The following KIF5C variants were observed in gnomAD, a reference collection of about 807,000 sequenced individuals.
KIF5C encodes the protein kinesin heavy chain isoform 5C.
In KIF5C, 18 loss-of-function variants were observed where a neutral mutation model predicts 125.2. The observed-to-expected ratio is 0.14, with a 90% CI of 0.10 to 0.21. KIF5C has a LOEUF of 0.21. KIF5C is among the 10% of genes least tolerant of loss of function. KIF5C has a pLI of 1.00. For missense variants in KIF5C, 780 were observed against 1,183.8 expected (o/e 0.66, Z 5.01); for synonymous variants, 405 against 434.0 (o/e 0.93, Z 0.83).
chr2:148,945,869 A>T (rs911112387), intron 7 of KIF5C, among the ~76,000 whole-genome samples: 1 of 152,090 alleles, frequency 6.6e-6, no homozygotes, highest in Non-Finnish European at 1.5e-5. Flanking sequence ...ATGTCATTGA[A>T]ATTTTGATAG....
chr2:148,892,566 C>T (rs922665236), intron 1 of KIF5C, among the ~76,000 whole-genome samples: 25 of 152,336 alleles, frequency 1.6e-4, no homozygotes, highest in African/African-American at 4.8e-4. Flanking sequence ...ATTGGCTTCT[C>T]TGTCATGCTG....
chr2:148,959,333 T>C (rs1459067641), intron 10 of KIF5C, among the ~76,000 whole-genome samples: 2 of 152,354 alleles, frequency 1.3e-5, no homozygotes, highest in East Asian at 3.9e-4. Flanking sequence ...AACTTTGATC[T>C]TCAGAACTGT....
chr2:149,018,015 C>G lies in KIF5C; in HGVS notation c.*8-5063C>G, dbSNP rs139418739. On this transcript the variant is annotated intron_variant, in intron 25 of 25. Transcript: ENST00000435030. Reference sequence around the variant, plus strand: ...GTTTTTTGTGTGTCGTGGTGTGACTCAATTCTTTCACTCCTGTACTCCCAG... The same window carrying G: ...GTTTTTTGTGTGTCGTGGTGTGACTGAATTCTTTCACTCCTGTACTCCCAG... Among the ~76,000 whole-genome samples the G allele has an allele frequency of 7.3e-3, 1,118 of 152,216 alleles. 5 individuals carry two copies. Among genetic ancestry groups the G allele is most frequent in the Non-Finnish European group, 0.012 (796 of 68,010 alleles).
At chr2:149,008,749 C>T (rs781157200) in intron 23 of KIF5C, among the ~76,000 whole-genome samples, 1 of 152,094 alleles carries the variant, frequency 6.6e-6, no homozygotes, top group Non-Finnish European at 1.5e-5. Flanking sequence ...ATGGAAACGG[C>T]CCAAGTTTTT....
intron 12 of KIF5C, among the ~76,000 whole-genome samples, chr2:148,974,191 A>G (rs186547610): frequency 5.3e-4 from 81 of 152,364 alleles, no homozygotes; most frequent in Admixed American, 2.7e-3. Context: ...TCCCAGAGGC[A>G]TGAGAATTGA....
chr2:148,921,615 G>A (rs559979542), intron 1 of KIF5C, among the ~76,000 whole-genome samples: 14 of 152,202 alleles, frequency 9.2e-5, no homozygotes, highest in Non-Finnish European at 1.9e-4. Context: ...CCATCTTCCC[G>A]ATCCTGTAAA....
chr2:148,902,096 C>T (rs182179299), intron 1 of KIF5C, among the ~76,000 whole-genome samples: 27 of 152,264 alleles, frequency 1.8e-4, no homozygotes, highest in Admixed American at 6.5e-4. Context: ...TAACAGTCAG[C>T]GTTGGTCCAT....
chr2:149,022,620 T>G (rs1682565003), intron 25 of KIF5C, among the ~76,000 whole-genome samples: 1 of 152,162 alleles, frequency 6.6e-6, no homozygotes, highest in Admixed American at 6.5e-5. Flanking sequence ...CACTAGAGAA[T>G]TTAAAATTAA....
chr2:148,937,511 G>A lies in KIF5C; in HGVS notation c.396+123G>A, dbSNP rs530707663. 3.0e-5 allele frequency: 40 copies of A among 1,354,076 alleles called. No individual in the cohort carries two copies. The African/African-American group carries it at 5.1e-4, about 17-fold the overall frequency. 83.9% of individuals were successfully genotyped at this position (1,354,076 alleles called of 1,614,324 possible). On this transcript the variant is annotated intron_variant, in intron 4 of 25. Transcript: ENST00000435030. ...AATTTAAATGACATTCTTGTGGTAA[G>A]CAGAGCCCTCTTTATTAGTGACCTA...
At chr2:148,984,564 A>C (rs965138871) in intron 15 of KIF5C, among the ~76,000 whole-genome samples, 3 of 152,094 alleles carry the variant, frequency 2.0e-5, no homozygotes, top group African/African-American at 4.8e-5. Context: ...AACCACATCC[A>C]AGGCAGGATG....
chr2:148,909,575 C>T (rs1293857532), intron 1 of KIF5C, among the ~76,000 whole-genome samples: 3 of 152,088 alleles, frequency 2.0e-5, no homozygotes, highest in Admixed American at 6.5e-5. Flanking sequence ...AGCAGTAAGA[C>T]GAGAAACCCT....
intron 1 of KIF5C, among the ~76,000 whole-genome samples, chr2:148,908,395 A>G (rs1378854518): frequency 2.0e-5 from 3 of 152,200 alleles, no homozygotes; most frequent in Non-Finnish European, 4.4e-5. Flanking sequence ...TGCTTTAATT[A>G]ATCACTCTCA....
rs2105028259 is a variant in KIF5C at position 148,875,413 on chromosome 2, G to A, written c.-205G>A. ...GGCCGGTCTGCAGCCGGAGGGGCCGGAGCGGAGAAGCTGCCCACCTTCCCG... is the reference window on the plus strand; with the variant it reads ...GGCCGGTCTGCAGCCGGAGGGGCCGAAGCGGAGAAGCTGCCCACCTTCCCG... On this transcript the variant is annotated 5_prime_UTR_variant, in exon 1 of 26. Transcript: ENST00000435030. 1.9e-6 allele frequency: 1 copy of A among 538,884 alleles called. No homozygotes were observed. Among genetic ancestry groups the A allele is most frequent in the South Asian group, 2.2e-5 (1 of 44,510 alleles). The allele number at this position is 538,884 out of a possible 1,614,324, so 33.4% of individuals were successfully genotyped here.
At chr2:148,957,592 T>TAAAAAAA (rs201033625) in intron 10 of KIF5C, among the ~76,000 whole-genome samples, 46 of 71,614 alleles carry the variant, frequency 6.4e-4, no homozygotes, top group Middle Eastern at 6.7e-3. Context: ...TTTGTTCTAG[T>TAAAAAAA]AAAAAAAAAA....
chr2:148,973,631 C>T, intron 12 of KIF5C, 120 bp downstream of exon 12: 3 of 1,349,330 alleles, frequency 2.2e-6, no homozygotes, highest in Non-Finnish European at 2.9e-6. Context: ...TTTCCTAATA[C>T]CTACCCTAGC....
chr2:148,950,540 G>A, intron 10 of KIF5C, 78 bp downstream of exon 10: 2 of 1,505,600 alleles, frequency 1.3e-6, no homozygotes, highest in South Asian at 1.3e-5. Flanking sequence ...TGGGTGCAAT[G>A]GCTCACACCT....
chr2:148,963,450 C>T (rs1475045257), intron 11 of KIF5C, among the ~76,000 whole-genome samples: 6 of 152,152 alleles, frequency 3.9e-5, no homozygotes, highest in African/African-American at 1.4e-4. Context: ...AAAACAATTA[C>T]GTGGCAAACG....
intron 3 of KIF5C, among the ~76,000 whole-genome samples, chr2:148,934,541 C>A (rs1287831383): frequency 6.8e-6 from 1 of 147,182 alleles, no homozygotes; most frequent in Non-Finnish European, 1.5e-5. Flanking sequence ...ATCACACACA[C>A]AACACACACG....
intron 21 of KIF5C, among the ~76,000 whole-genome samples, chr2:149,003,095 C>T (rs1007696612): frequency 2.6e-5 from 4 of 152,210 alleles, no homozygotes; most frequent in East Asian, 1.9e-4. Context: ...ACCACCCACA[C>T]GCATCAAATG....
Sources: gnomAD v4.1 joint callset for allele counts (sites outside exome capture counted in the v4.1 genomes callset) on GRCh38, gnomAD v4.1.1 for gene constraint, MANE v1.5 for transcripts, NCBI Gene and HGNC (gene_info 2026-07-23, HGNC 2026-07-21) for gene names.